The following EIF3A variants were observed in gnomAD, a reference collection of about 807,000 sequenced individuals.
The protein encoded by EIF3A is EIF3, p180 subunit.
Under a neutral mutation model 186.6 loss-of-function variants are expected in EIF3A, and 21 were observed. The observed-to-expected ratio is 0.11, with a 90% CI of 0.08 to 0.16. EIF3A has a LOEUF of 0.16. Ranked by LOEUF, EIF3A falls within the 10% of genes least tolerant of loss-of-function variation. The pLI is 1.00. For missense variants in EIF3A, 1,306 were observed against 1,796.3 expected, an observed-to-expected ratio of 0.73 and a Z score of 4.93; for synonymous variants, 563 against 584.3, an observed-to-expected ratio of 0.96 and a Z score of 0.52.
intron 9 of EIF3A, among the ~76,000 whole-genome samples, chr10:119,060,353 C>G (rs1260860630): frequency 1.3e-5 from 2 of 151,880 alleles, no homozygotes; most frequent in African/African-American, 4.8e-5. Flanking sequence ...CTTCTTATGC[C>G]ACAGAAAGTA....
At chr10:119,075,918 G>A (rs1402011182) in intron 1 of EIF3A, among the ~76,000 whole-genome samples, 1 of 134,252 alleles carries the variant, frequency 7.4e-6, no homozygotes, top group African/African-American at 2.7e-5. Context: ...AGTAGAGGCG[G>A]GGTTTCACCG....
Position 119,061,344 on chromosome 10 carries a change from CA to C in EIF3A, c.1123-17del. 1.7e-6 allele frequency: 2 copies of C among 1,208,454 alleles called. No homozygotes were observed. The highest frequency in any genetic ancestry group is 1.4e-5 in the South Asian group (1 of 69,062). 74.9% of individuals were successfully genotyped at this position (1,208,454 alleles called of 1,614,324 possible). A position where few individuals can be genotyped will look rare whatever the true frequency, so the allele number is the denominator to read the frequency against. Reference sequence around the variant, plus strand: ...TAAATCTGACCTACAGTAAGCAAAACAAAAGATGTAACTGCCAAAGGAAATT... The same window carrying C: ...TAAATCTGACCTACAGTAAGCAAAACAAAGATGTAACTGCCAAAGGAAATT... On this transcript the variant is annotated splice_polypyrimidine_tract_variant and intron_variant, in intron 7 of 21. Transcript: ENST00000369144.
chr10:119,038,100 A>G, intron 20 of EIF3A, 138 bp downstream of exon 20: 2 of 723,284 alleles, frequency 2.8e-6, no homozygotes, highest in Non-Finnish European at 4.7e-6. Context: ...ATTTTTTAGT[A>G]GAGATGGGGT....
chr10:119,066,033 A>AGT (rs1207373225), intron 6 of EIF3A, among the ~76,000 whole-genome samples: 2 of 150,374 alleles, frequency 1.3e-5, no homozygotes, highest in Non-Finnish European at 3.0e-5. Context: ...GGAGAATCGC[A>AGT]TGAACCCGGG....
At chr10:119,041,879 G>GA in intron 19 of EIF3A, 115 bp downstream of exon 19, 3 of 1,147,598 alleles carry the variant, frequency 2.6e-6, no homozygotes. Context: ...GATACTGAAG[G>GA]AAAGATGAAA....
rs958476334 is a variant in EIF3A at position 119,046,180 on chromosome 10, T to G, written c.2659-2038A>C. On this transcript the variant is annotated intron_variant, in intron 17 of 21. Coordinates refer to ENST00000369144, the MANE Select transcript of EIF3A (RefSeq NM_003750.4). ...GTTTTAACTTCCTTTACCGCAAGAA[T>G]AGAGAAAAATTCTGTTTCCGAGGAA... Among the ~76,000 whole-genome samples, 9 of 152,242 alleles carry G rather than the reference T, an allele frequency of 5.9e-5. No homozygotes were observed. In the East Asian group the frequency reaches 1.5e-3, roughly 26 times the overall value.
At position 119,071,024 on chromosome 10, in the gene EIF3A, C is replaced by T; in HGVS notation, c.603G>A (p.Leu201=). ...GCTGAATCTGCGATAAGTGCATTCT[C>T]AAATTGTCACACAGTTTACGGAATT... ...KAEFRKLCDN[L]RMHLSQIQRH... Residue 201 remains leucine (L), a synonymous_variant, in exon 5 of 22, where the codon TTG becomes TTA. Transcript: ENST00000369144. 1.2e-6 allele frequency: 2 copies of T among 1,614,178 alleles called. No homozygotes were observed. Among genetic ancestry groups the T allele is most frequent in the Non-Finnish European group, 1.7e-6 (2 of 1,180,008 alleles).
intron 7 of EIF3A, among the ~76,000 whole-genome samples, chr10:119,063,148 G>C (rs1389500760): frequency 3.3e-5 from 5 of 152,134 alleles, no homozygotes; most frequent in East Asian, 3.9e-4. Flanking sequence ...ATTAGCAAAT[G>C]TTTTATTTGC....
At chr10:119,056,504 T>C (rs546197227) in intron 14 of EIF3A, among the ~76,000 whole-genome samples, 2 of 152,220 alleles carry the variant, frequency 1.3e-5, no homozygotes, top group Admixed American at 1.3e-4. Flanking sequence ...ATTTAAAGTG[T>C]ATATAAAGCA....
intron 16 of EIF3A, 64 bp downstream of exon 16, chr10:119,050,457 T>C: frequency 6.7e-7 from 1 of 1,502,000 alleles, no homozygotes; most frequent in Non-Finnish European, 9.1e-7. Context: ...ATAAGATCAC[T>C]AAAAACTAGA....
chr10:119,046,855 G>A (rs559781202), intron 17 of EIF3A, among the ~76,000 whole-genome samples: 1 of 152,318 alleles, frequency 6.6e-6, no homozygotes, highest in South Asian at 2.1e-4. Context: ...TACTTGGGAG[G>A]CTGAGGCAGG....
Position 119,056,599 on chromosome 10 carries a change from A to G in EIF3A, c.2196+141T>C, listed in dbSNP as rs1217455679. ...CTATTGTGAAATTTTCCCTCTTTCT[A>G]CCAATCTGTTCATAGGCAGCCATTA... On this transcript the variant is annotated intron_variant, in intron 14 of 21. Transcript: ENST00000369144. 8 of 588,192 alleles carry G rather than the reference A, an allele frequency of 1.4e-5. No individual in the cohort carries two copies. The Admixed American group carries it at 2.5e-4, about 18-fold the overall frequency. The allele number at this position is 588,192 out of a possible 1,614,324, so 36.4% of individuals were successfully genotyped here. A position where few individuals can be genotyped will look rare whatever the true frequency, so the allele number is the denominator to read the frequency against.
At chr10:119,062,426 G>C (rs1186424669) in intron 7 of EIF3A, among the ~76,000 whole-genome samples, 1 of 152,154 alleles carries the variant, frequency 6.6e-6, no homozygotes, top group African/African-American at 2.4e-5. Flanking sequence ...CATAAATTTG[G>C]TTATGGAAGC....
intron 12 of EIF3A, among the ~76,000 whole-genome samples, 187 bp from the exon 13 acceptor site, chr10:119,057,227 C>T (rs918809146): frequency 6.6e-6 from 1 of 152,070 alleles, no homozygotes; most frequent in Non-Finnish European, 1.5e-5. Context: ...AATATCCATA[C>T]ATCCTTTTCT....
chr10:119,065,082 T>C (rs1843949586), intron 7 of EIF3A, among the ~76,000 whole-genome samples: 1 of 152,146 alleles, frequency 6.6e-6, no homozygotes, highest in Admixed American at 6.6e-5. Context: ...ACAGCTTAAT[T>C]AGTTTTCCTA....
Position 119,051,221 on chromosome 10 carries a change from G to A in EIF3A, c.2297C>T (p.Ala766Val). Reference sequence around the variant, plus strand: ...CACCTCATAAACAGACTGCCGTGCAGCTTTGAGTCGCATTACGAATAAATC... The same window carrying A: ...CACCTCATAAACAGACTGCCGTGCAACTTTGAGTCGCATTACGAATAAATC... Reference protein sequence around the residue: ...DRDLFVMRLKAARQSVYEEKL... With the variant: ...DRDLFVMRLKVARQSVYEEKL... The change falls in exon 15 of 22, where the codon GCT becomes GTT. Residue 766 changes from alanine (A) to valine (V), a missense_variant. Ala to Val is a moderately conservative substitution (Grantham distance 64). This residue lies in a region of EIF3A where 410 missense variants were observed against 473.5 expected (regional missense o/e 0.87). Coordinates refer to ENST00000369144, the MANE Select transcript of EIF3A (RefSeq NM_003750.4). The A allele has an allele frequency of 6.2e-7, 1 of 1,610,730 alleles. No individual in the cohort carries two copies. Among genetic ancestry groups the A allele is most frequent in the Non-Finnish European group, 8.5e-7 (1 of 1,179,198 alleles).
intron 1 of EIF3A, among the ~76,000 whole-genome samples, chr10:119,077,483 GAT>G (rs1844196854): frequency 6.6e-6 from 1 of 151,742 alleles, no homozygotes; most frequent in Non-Finnish European, 1.5e-5. Flanking sequence ...AATGGGAACA[GAT>G]TTTTCATAAT....
At chr10:119,061,416 T>C in intron 7 of EIF3A, 88 bp from the exon 8 acceptor site, 1 of 567,132 alleles carries the variant, frequency 1.8e-6, no homozygotes, top group South Asian at 2.7e-5. Flanking sequence ...GCATTGGAAA[T>C]CTGGAAAATG....
rs764236004 is a variant in EIF3A at position 119,059,626 on chromosome 10, A to G, written c.1419T>C (p.Asp473=). Residue 473 remains aspartate, a synonymous_variant, in exon 10 of 22, where the codon GAT becomes GAC. Coordinates refer to ENST00000369144, the MANE Select transcript of EIF3A (RefSeq NM_003750.4). ...CCTGCAAGTCGCAATGCCTGGCTGC[A>G]TCTACTATGGCCCGTTCCAGTTGGA... is the stretch of plus-strand genomic sequence containing the variant. The part of the protein sequence containing the change: ...DAFQLERAIV[D]AARHCDLQVR... 6.2e-7 allele frequency: 1 copy of G among 1,614,138 alleles called. No homozygotes were observed. Among genetic ancestry groups the G allele is most frequent in the Non-Finnish European group, 8.5e-7 (1 of 1,179,962 alleles).
Sources: allele counts gnomAD v4.1 joint callset (sites outside exome capture counted in the v4.1 genomes callset), GRCh38; gene constraint gnomAD v4.1.1; regional missense constraint gnomAD v4.1.1; transcripts MANE v1.5; gene names NCBI Gene and HGNC (gene_info 2026-07-23, HGNC 2026-07-21).